The following CAST variants were observed in gnomAD, a reference collection of about 807,000 sequenced individuals.
CAST encodes the protein calpastatin, also known as MIR583 host.
Under a neutral mutation model 119.6 loss-of-function variants are expected in CAST, and 76 were observed. The ratio of observed to expected loss-of-function variants is 0.64; its 90% CI spans 0.53 to 0.77. The LOEUF (loss-of-function observed/expected upper bound fraction) is 0.77, where lower values mean the gene tolerates loss of function less well. CAST is among the 30% of genes least tolerant of loss of function. CAST has a pLI of 0.00. For synonymous variants in CAST, 319 were observed against 331.6 expected, an observed-to-expected ratio of 0.96 and a Z score of 0.41; for missense variants, 953 against 946.5, an observed-to-expected ratio of 1.01 and a Z score of -0.09.
chr5:96,599,695 C>G (rs895291769), intron 1 of CAST, among the ~76,000 whole-genome samples: 1 of 152,042 alleles, frequency 6.6e-6, no homozygotes. Context: ...AATCCACCCC[C>G]CTCCATAGGC....
chr5:95,998,376 A>G, the CAST span, among the ~76,000 whole-genome samples: 1 of 152,072 alleles, frequency 6.6e-6, no homozygotes, highest in African/African-American at 2.4e-5. Flanking sequence ...TGATCATTGT[A>G]CCTAATAGGT....
chr5:95,986,450 T>C, the CAST span: 1 of 152,244 alleles, frequency 6.6e-6, no homozygotes, highest in Admixed American at 6.5e-5. Context: ...CAGCATATTC[T>C]ATTTTTGTGG....
chr5:96,071,260 A>G, the CAST span, among the ~76,000 whole-genome samples: 1 of 151,800 alleles, frequency 6.6e-6, no homozygotes, highest in African/African-American at 2.4e-5. Context: ...TCCCCAAACC[A>G]GCACCCCATT....
intron 1 of CAST, among the ~76,000 whole-genome samples, chr5:96,667,080 C>T (rs1467836387): frequency 2.0e-5 from 3 of 152,168 alleles, no homozygotes; most frequent in Non-Finnish European, 4.4e-5. Context: ...TATCAGATGT[C>T]TTCCAGTTAA....
the CAST span, among the ~76,000 whole-genome samples, chr5:95,967,418 AAATAAATAAAT>A: frequency 1.4e-3 from 4 of 2,954 alleles, no homozygotes; most frequent in Non-Finnish European, 2.7e-3. Flanking sequence ...CCCTATCTTT[AAATAAATAAAT>A]AAATAAATAA....
chr5:96,538,954 A>G, intron 1 of CAST, among the ~76,000 whole-genome samples: 1 of 152,212 alleles, frequency 6.6e-6, no homozygotes, highest in Non-Finnish European at 1.5e-5. Context: ...TATTTGGTCA[A>G]TATGGTAGCA....
At chr5:96,176,046 A>G in the CAST span, among the ~76,000 whole-genome samples, 1,349 of 152,288 alleles carry the variant, frequency 8.9e-3, 12 homozygotes, top group Non-Finnish European at 0.011. Context: ...GTCTAGCTCT[A>G]TTTTGGAGGC....
At chr5:96,617,871 T>C (rs1304508844) in intron 1 of CAST, among the ~76,000 whole-genome samples, 3 of 146,152 alleles carry the variant, frequency 2.1e-5, no homozygotes, top group Non-Finnish European at 1.5e-5. Flanking sequence ...ATGTAGAGGT[T>C]ATTCTAATTT....
the CAST span, among the ~76,000 whole-genome samples, chr5:96,097,327 GTCTTTT>G: frequency 7.3e-6 from 1 of 136,418 alleles, no homozygotes; most frequent in Admixed American, 7.2e-5. Flanking sequence ...TGAGCTCAAA[GTCTTTT>G]TTTTTTTTTT....
the CAST span, among the ~76,000 whole-genome samples, chr5:96,483,359 G>T: frequency 6.6e-6 from 1 of 152,164 alleles, no homozygotes; most frequent in Non-Finnish European, 1.5e-5. Context: ...TACTGGATGT[G>T]TATCGGTCAT....
chr5:96,458,553 A>G, the CAST span, among the ~76,000 whole-genome samples: 17 of 152,228 alleles, frequency 1.1e-4, no homozygotes, highest in African/African-American at 3.9e-4. Context: ...AAAAGAAAGA[A>G]TAGCACAAAA....
chr5:96,044,570 G>T, the CAST span, among the ~76,000 whole-genome samples: 1 of 152,248 alleles, frequency 6.6e-6, no homozygotes, highest in African/African-American at 2.4e-5. Flanking sequence ...ATCTAGTAAG[G>T]TTCAACAAAA....
chr5:95,962,891 G>A, the CAST span, among the ~76,000 whole-genome samples: 2 of 152,186 alleles, frequency 1.3e-5, no homozygotes, highest in South Asian at 2.1e-4. Context: ...GAGGTTAAGC[G>A]AAGGAGATGG....
chr5:96,614,058 A>G (rs956683539), intron 1 of CAST, among the ~76,000 whole-genome samples: 2 of 152,218 alleles, frequency 1.3e-5, no homozygotes, highest in Non-Finnish European at 2.9e-5. Flanking sequence ...GTAACTAACA[A>G]TATATCATCA....
intron 2 of CAST, among the ~76,000 whole-genome samples, chr5:96,681,011 G>C (rs753417990): frequency 6.6e-6 from 1 of 152,260 alleles, no homozygotes; most frequent in Non-Finnish European, 1.5e-5. Context: ...GCACAGGCTC[G>C]CACTGGGTGC....
At chr5:96,445,976 T>C in the CAST span, among the ~76,000 whole-genome samples, 1 of 152,150 alleles carries the variant, frequency 6.6e-6, no homozygotes, top group African/African-American at 2.4e-5. Flanking sequence ...GCCTGCTGAG[T>C]AGCTGGGATC....
At chr5:96,554,008 C>G (rs932528962) in intron 1 of CAST, among the ~76,000 whole-genome samples, 1 of 152,136 alleles carries the variant, frequency 6.6e-6, no homozygotes, top group African/African-American at 2.4e-5. Flanking sequence ...TAATGCTATC[C>G]CCATCAAGCT....
chr5:96,539,512 C>A (rs1413703909), intron 1 of CAST, among the ~76,000 whole-genome samples: 2 of 152,006 alleles, frequency 1.3e-5, no homozygotes, highest in East Asian at 3.8e-4. Flanking sequence ...TACTTTTAAC[C>A]ATCGCTTTTC....
chr5:96,669,411 G>A (rs1329488294), intron 1 of CAST, among the ~76,000 whole-genome samples: 2 of 152,050 alleles, frequency 1.3e-5, no homozygotes, highest in African/African-American at 4.8e-5. Context: ...AATGTTTATA[G>A]GTTTGTGGGA....
Sources: allele counts gnomAD v4.1 joint callset (sites outside exome capture counted in the v4.1 genomes callset), GRCh38; gene constraint gnomAD v4.1.1; transcripts MANE v1.5; gene names NCBI Gene and HGNC (gene_info 2026-07-23, HGNC 2026-07-21).